The following CHCHD6 variants were observed in gnomAD, a reference collection of about 807,000 sequenced individuals.
CHCHD6 encodes MICOS complex subunit MIC25.
Under a neutral mutation model 32.3 loss-of-function variants are expected in CHCHD6, and 28 were observed. The observed-to-expected ratio is 0.87, with a 90% confidence interval of 0.64 to 1.19. The LOEUF is 1.19. Ranked by LOEUF, CHCHD6 falls within the 50% of genes most tolerant of loss-of-function variation. The probability of loss-of-function intolerance (pLI) is 0.00; values close to 1 mark genes in which losing one functional copy is unlikely to be tolerated. For missense variants in CHCHD6, 333 were observed against 307.0 expected (o/e 1.08, Z -0.63); for synonymous variants, 122 against 117.5 (o/e 1.04, Z -0.25).
chr3:126,774,386 A>G (rs1380479273), intron 4 of CHCHD6, among the ~76,000 whole-genome samples: 1 of 152,228 alleles, frequency 6.6e-6, no homozygotes, highest in African/African-American at 2.4e-5. Context: ...TGTATCCTTC[A>G]TCATATTTCC....
At position 126,853,307 on chromosome 3, in the gene CHCHD6, C is replaced by A. The variant is rs73203683; in HGVS notation, c.495+577C>A. Among the ~76,000 whole-genome samples the A allele has an allele frequency of 8.4e-3, 1,233 of 147,084 alleles. 10 individuals carry two copies. The highest frequency in any genetic ancestry group is 0.019 in the Middle Eastern group (5 of 268). ...CGACTCTTGAAAATTCATTTGGTAA[C>A]TTGCTTATTTTTTGGTTTAATTTGT... On this transcript the variant is annotated intron_variant, in intron 5 of 7. Coordinates refer to ENST00000290913, the MANE Select transcript of CHCHD6 (RefSeq NM_032343.3).
At position 126,892,941 on chromosome 3, in the gene CHCHD6, TTTG is replaced by T. The variant is rs999523484; in HGVS notation, c.496-21724_496-21722del. ...GTTTTTTTGTTTTTGTTTTTCTTTT[TTTG>T]TTGTTGTTGTTGTTTTGTTTTGTTT... On this transcript the variant is annotated intron_variant, in intron 5 of 7. Coordinates refer to ENST00000290913, the MANE Select transcript of CHCHD6 (RefSeq NM_032343.3). Among the ~76,000 whole-genome samples, 85 of 151,740 alleles carry T rather than the reference TTTG, an allele frequency of 5.6e-4. 1 individual carries two copies. Among genetic ancestry groups the T allele is most frequent in the East Asian group, 1.6e-3 (8 of 5,128 alleles).
chr3:126,941,177 C>T (rs570320235), intron 6 of CHCHD6, among the ~76,000 whole-genome samples: 25 of 152,170 alleles, frequency 1.6e-4, no homozygotes, highest in Non-Finnish European at 3.4e-4. Context: ...AATTGTTGTT[C>T]CAAATAGCCT....
chr3:126,745,443 G>A (rs949739985), intron 4 of CHCHD6, among the ~76,000 whole-genome samples: 1 of 152,154 alleles, frequency 6.6e-6, no homozygotes, highest in African/African-American at 2.4e-5. Context: ...TTCAGCACAT[G>A]GTCTGGCAGA....
Position 126,852,638 on chromosome 3 carries a change from TC to T in CHCHD6, c.412-7del, listed in dbSNP as rs763706220. The stretch of plus-strand genomic sequence containing the variant: ...CTGGCTAACGTGGGCTTTGTTCTCT[TC>T]CAAGCAGGCCAGGGAGCTGGAGAGC... On this transcript the variant is annotated splice_region_variant and splice_polypyrimidine_tract_variant and intron_variant, in intron 4 of 7. Coordinates refer to ENST00000290913, the MANE Select transcript of CHCHD6 (RefSeq NM_032343.3). 1 of 1,612,414 alleles carries T rather than the reference TC, an allele frequency of 6.2e-7. No homozygotes were observed. Among genetic ancestry groups the T allele is most frequent in the East Asian group, 2.2e-5 (1 of 44,848 alleles).
intron 5 of CHCHD6, among the ~76,000 whole-genome samples, chr3:126,874,923 A>G (rs146295232): frequency 8.5e-4 from 129 of 152,266 alleles, no homozygotes; most frequent in Non-Finnish European, 1.4e-3. Context: ...CACCAGCAGA[A>G]TGGACCTGCT....
chr3:126,856,149 A>C (rs1390536190), intron 5 of CHCHD6, among the ~76,000 whole-genome samples: 2 of 152,146 alleles, frequency 1.3e-5, no homozygotes, highest in African/African-American at 4.8e-5. Flanking sequence ...CAAACAAAAA[A>C]AATCACAAAA....
At chr3:126,811,395 C>T (rs2107531523) in intron 4 of CHCHD6, among the ~76,000 whole-genome samples, 1 of 152,132 alleles carries the variant, frequency 6.6e-6, no homozygotes, top group East Asian at 1.9e-4. Flanking sequence ...AGTGAGAAAT[C>T]CAGGGTTTTA....
intron 6 of CHCHD6, among the ~76,000 whole-genome samples, chr3:126,924,847 G>A (rs181737782): frequency 6.6e-6 from 1 of 152,248 alleles, no homozygotes; most frequent in East Asian, 1.9e-4. Flanking sequence ...GAGGCTCTTG[G>A]GTCAGAAACC....
At chr3:126,740,009 C>T (rs1433693349) in intron 4 of CHCHD6, among the ~76,000 whole-genome samples, 1 of 152,196 alleles carries the variant, frequency 6.6e-6, no homozygotes, top group African/African-American at 2.4e-5. Context: ...CTTCTTTTGA[C>T]AGGCTATTAG....
chr3:126,812,479 A>G (rs762299462), intron 4 of CHCHD6, among the ~76,000 whole-genome samples: 144 of 151,598 alleles, frequency 9.5e-4, no homozygotes, highest in Non-Finnish European at 1.1e-3. Flanking sequence ...GCTGGAGTGC[A>G]GTGGCGCGAT....
intron 5 of CHCHD6, among the ~76,000 whole-genome samples, chr3:126,868,922 A>G (rs1229548554): frequency 2.6e-5 from 4 of 152,230 alleles, no homozygotes; most frequent in Non-Finnish European, 5.9e-5. Flanking sequence ...ATTGCCATGC[A>G]TAGAGGCTGT....
intron 4 of CHCHD6, among the ~76,000 whole-genome samples, chr3:126,809,258 T>C (rs1939552569): frequency 6.6e-6 from 1 of 152,214 alleles, no homozygotes; most frequent in African/African-American, 2.4e-5. Flanking sequence ...CATGAGCCAC[T>C]GTGCCTGGCC....
chr3:126,708,475 A>G (rs1344569279), intron 1 of CHCHD6, among the ~76,000 whole-genome samples: 1 of 152,160 alleles, frequency 6.6e-6, no homozygotes, highest in African/African-American at 2.4e-5. Flanking sequence ...GGTCAGGAGC[A>G]GAGCTTTGGA....
chr3:126,820,899 C>A lies in CHCHD6; in HGVS notation c.412-31748C>A, dbSNP rs530900227. Among the ~76,000 whole-genome samples the A allele has an allele frequency of 6.6e-5, 10 of 152,330 alleles. No homozygotes were observed. The South Asian group carries it at 2.1e-3, about 32-fold the overall frequency. ...TTTTTAGTATATTCGCAGAATTGTG[C>A]ACCAGTAACCATTCTCTAGTTCCAG... On this transcript the variant is annotated intron_variant, in intron 4 of 7. Transcript: ENST00000290913.
At chr3:126,868,518 A>G (rs1217266848) in intron 5 of CHCHD6, among the ~76,000 whole-genome samples, 2 of 152,174 alleles carry the variant, frequency 1.3e-5, no homozygotes, top group Admixed American at 1.3e-4. Context: ...AACAATGCAG[A>G]TAATCCCAAA....
chr3:126,892,654 C>A (rs1451479708), intron 5 of CHCHD6, among the ~76,000 whole-genome samples: 1 of 152,162 alleles, frequency 6.6e-6, no homozygotes, highest in African/African-American at 2.4e-5. Flanking sequence ...TCTGCATAAA[C>A]CCCCCCTTCT....
chr3:126,753,799 G>A (rs1469406885), intron 4 of CHCHD6, among the ~76,000 whole-genome samples: 1 of 152,214 alleles, frequency 6.6e-6, no homozygotes, highest in Non-Finnish European at 1.5e-5. Context: ...GTGGCAGTGG[G>A]CACCAAGGGC....
At chr3:126,873,750 A>C (rs2077506680) in intron 5 of CHCHD6, among the ~76,000 whole-genome samples, 1 of 152,080 alleles carries the variant, frequency 6.6e-6, no homozygotes, top group African/African-American at 2.4e-5. Flanking sequence ...CCTTTGTTTG[A>C]GTGCTTATGT....
Sources: gnomAD v4.1 joint callset for allele counts (sites outside exome capture counted in the v4.1 genomes callset) on GRCh38, gnomAD v4.1.1 for gene constraint, MANE v1.5 for transcripts, NCBI Gene and HGNC (gene_info 2026-07-23, HGNC 2026-07-21) for gene names.